Variants in RBFOX3 observed in about 807,000 individuals in gnomAD.
The protein encoded by RBFOX3 is RNA binding protein fox-1 homolog 3.
A neutral mutation model predicts 48.7 loss-of-function variants in RBFOX3; 17 were observed. That is an observed-to-expected ratio of 0.35 (90% confidence interval 0.24 to 0.52). The LOEUF is 0.52. Among genes scored for constraint, RBFOX3 ranks in the 20% least tolerant of loss-of-function variants. The pLI is 0.94. For synonymous variants in RBFOX3, 212 were observed against 209.5 expected, an observed-to-expected ratio of 1.01 and a Z score of -0.10; for missense variants, 382 against 497.5, an observed-to-expected ratio of 0.77 and a Z score of 2.21.
At chr17:79,092,071 C>T (rs755017648) in intron 14 of RBFOX3, 56 of 985,392 alleles carry the variant, frequency 5.7e-5, no homozygotes, top group Non-Finnish European at 6.5e-5. Context: ...GGGAGACCCA[C>T]ACTGGGTGCC....
At chr17:79,497,682 G>A (rs931146576) in intron 1 of RBFOX3, among the ~76,000 whole-genome samples, 3 of 152,178 alleles carry the variant, frequency 2.0e-5, no homozygotes, top group South Asian at 2.1e-4. Context: ...CCTGGGTAAG[G>A]TGCCAGGTAG....
At chr17:79,635,046 C>G in the RBFOX3 span, among the ~76,000 whole-genome samples, 1 of 103,724 alleles carries the variant, frequency 9.6e-6, no homozygotes, top group African/African-American at 4.0e-5. Flanking sequence ...GGCAATAAAG[C>G]GAGACTCCAT....
At chr17:79,463,499 G>A (rs1321023618) in intron 2 of RBFOX3, among the ~76,000 whole-genome samples, 1 of 51,458 alleles carries the variant, frequency 1.9e-5, no homozygotes, top group Non-Finnish European at 4.6e-5. Flanking sequence ...CACTGCCACT[G>A]CCATCGCCAC....
intron 3 of RBFOX3, among the ~76,000 whole-genome samples, chr17:79,260,568 GC>G (rs1282322738): frequency 3.3e-5 from 5 of 152,186 alleles, no homozygotes; most frequent in African/African-American, 9.6e-5. Flanking sequence ...CCAGGCCCGT[GC>G]CCCTAACTCT....
At chr17:79,250,735 C>T (rs1474559581) in intron 3 of RBFOX3, among the ~76,000 whole-genome samples, 1 of 152,126 alleles carries the variant, frequency 6.6e-6, no homozygotes, top group South Asian at 2.1e-4. Flanking sequence ...GCTTGGCTGT[C>T]CCCGTTTCTT....
At chr17:79,648,624 C>T in the RBFOX3 span, among the ~76,000 whole-genome samples, 1 of 152,182 alleles carries the variant, frequency 6.6e-6, no homozygotes, top group African/African-American at 2.4e-5. Flanking sequence ...TCGTTGGGGC[C>T]GATGGGGGCA....
At chr17:79,485,188 G>A (rs2079381921) in intron 1 of RBFOX3, among the ~76,000 whole-genome samples, 1 of 152,164 alleles carries the variant, frequency 6.6e-6, no homozygotes, top group Non-Finnish European at 1.5e-5. Flanking sequence ...TGACTTGTCA[G>A]TTCTCTTGCC....
At position 79,214,009 on chromosome 17, in the gene RBFOX3, G is replaced by A. The variant is rs950738466; in HGVS notation, c.-34+21757C>T. ...CACTCAGCGGATCAGACTTGGTTCC[G>A]TTTCCGAAGGTGGTGCCAGCGGATG... is the stretch of plus-strand genomic sequence containing the variant. On this transcript the variant is annotated intron_variant, in intron 4 of 14. Transcript: ENST00000693108. This position sits in a 1 kb window ranked among gnomAD's most constrained non-coding sequence, Gnocchi z 4.7. Among the ~76,000 whole-genome samples the A allele has an allele frequency of 6.6e-6, 1 of 152,140 alleles. No homozygotes were observed. The highest frequency in any genetic ancestry group is 1.5e-5 in the Non-Finnish European group (1 of 68,032).
chr17:79,369,211 C>T (rs1401828933), intron 2 of RBFOX3, among the ~76,000 whole-genome samples: 3 of 152,126 alleles, frequency 2.0e-5, no homozygotes, highest in South Asian at 2.1e-4. Flanking sequence ...GCCCATCAGC[C>T]GGGGTTGACC....
chr17:79,347,941 CCTGT>C (rs1466620196), intron 2 of RBFOX3, among the ~76,000 whole-genome samples: 16 of 152,304 alleles, frequency 1.1e-4, no homozygotes, highest in African/African-American at 3.6e-4. Flanking sequence ...TCTGCCCTGC[CCTGT>C]CTGAGAGGTG....
chr17:79,292,598 A>ACACAC (rs2073522252), intron 3 of RBFOX3, among the ~76,000 whole-genome samples: 1 of 126,552 alleles, frequency 7.9e-6, no homozygotes, highest in African/African-American at 3.5e-5. Flanking sequence ...ACACACACAC[A>ACACAC]CGCACACACA....
At chr17:79,488,561 C>A (rs1470652282) in intron 1 of RBFOX3, among the ~76,000 whole-genome samples, 2 of 152,218 alleles carry the variant, frequency 1.3e-5, no homozygotes, top group African/African-American at 4.8e-5. Context: ...TGGAGCAGGA[C>A]CCGCAGGCCT....
chr17:79,343,488 G>C (rs1052612767), intron 2 of RBFOX3, among the ~76,000 whole-genome samples: 3 of 152,166 alleles, frequency 2.0e-5, no homozygotes, highest in Non-Finnish European at 4.4e-5. Flanking sequence ...CTGCACTCCA[G>C]CCTGGGAGAC....
intron 1 of RBFOX3, among the ~76,000 whole-genome samples, chr17:79,557,912 C>A (rs952853439): frequency 2.6e-5 from 4 of 152,132 alleles, no homozygotes; most frequent in Admixed American, 1.3e-4. Context: ...TTTGCTGGGG[C>A]AAGGGGACGG....
rs376060745 is a variant in RBFOX3, at chr17:79,115,697, G to C, written c.19C>G (p.Pro7Ala). MAQPYP[P>A]AQYPPPPQNG... ...TGTGGCGGAGGGGGGTACTGGGCGG[G>C]GGGGTAGGGCTGGGCCATCGCTTCA... The change falls in exon 5 of 15, where the codon CCC becomes GCC. Residue 7 changes from proline to alanine, a missense_variant. Physicochemically the swap from Pro to Ala is conservative, Grantham distance 27. Transcript: ENST00000693108. 2 of 785,878 alleles carry C rather than the reference G, an allele frequency of 2.5e-6. No individual in the cohort carries two copies. The highest frequency in any genetic ancestry group is 1.6e-5 in the South Asian group (1 of 62,396). 48.7% of individuals were successfully genotyped at this position (785,878 alleles called of 1,614,324 possible).
intron 4 of RBFOX3, among the ~76,000 whole-genome samples, chr17:79,197,977 C>T (rs1199396771): frequency 6.6e-6 from 1 of 152,208 alleles, no homozygotes; most frequent in Non-Finnish European, 1.5e-5. Flanking sequence ...CAACATCTAT[C>T]TGTGACTGCG....
At position 79,110,316 on chromosome 17, in the gene RBFOX3, T is replaced by G. The variant is rs563972012; in HGVS notation, c.223-3528A>C. 2.0e-5 allele frequency among the ~76,000 whole-genome samples: 3 copies of G among 152,138 alleles called. No homozygotes were observed. The East Asian group carries it at 5.8e-4, about 30-fold the overall frequency. The stretch of plus-strand genomic sequence containing the variant: ...CTCAAGTTCGGGGTGGGGGTCTAGT[T>G]GCCACACAGCACCTCCCACTCTCCA... On this transcript the variant is annotated intron_variant, in intron 5 of 14. Transcript: ENST00000693108.
chr17:79,371,237 C>G (rs745318166), intron 2 of RBFOX3, among the ~76,000 whole-genome samples: 2 of 152,250 alleles, frequency 1.3e-5, no homozygotes, highest in Non-Finnish European at 2.9e-5. Context: ...CCACTTTGCT[C>G]TGCCTGGGCA....
chr17:79,410,658 G>T (rs1484259223), intron 2 of RBFOX3, among the ~76,000 whole-genome samples: 3 of 152,176 alleles, frequency 2.0e-5, no homozygotes, highest in Non-Finnish European at 2.9e-5. Flanking sequence ...CTGAGCTTCT[G>T]ACTGACAGAA....
Sources: gnomAD v4.1 joint callset for allele counts (sites outside exome capture counted in the v4.1 genomes callset) on GRCh38, gnomAD v4.1.1 for gene constraint, Gnocchi (gnomAD v3.1) non-coding constraint, MANE v1.5 for transcripts, NCBI Gene and HGNC (gene_info 2026-07-23, HGNC 2026-07-21) for gene names.